RTN4: variants seen among roughly 807,000 people sequenced by gnomAD.
RTN4 encodes reticulon 4, also known as reticulon-4.
Under a neutral mutation model 90.4 loss-of-function variants are expected in RTN4, and 32 were observed. That is an observed-to-expected ratio of 0.35 (90% CI 0.27 to 0.48). The LOEUF (loss-of-function observed/expected upper bound fraction) is 0.48, where lower values mean the gene tolerates loss of function less well. Among genes scored for constraint, RTN4 ranks in the 20% least tolerant of loss-of-function variants. The pLI, the probability that RTN4 is intolerant of heterozygous loss-of-function variation, is 0.99. For synonymous variants in RTN4, 629 were observed against 552.5 expected, an observed-to-expected ratio of 1.14 and a Z score of -1.94; for missense variants, 1,706 against 1,430.2, an observed-to-expected ratio of 1.19 and a Z score of -3.11.
Position 55,025,564 on chromosome 2 carries a change from T to G in RTN4, c.2535A>C (p.Leu845Phe). The G allele has an allele frequency of 1.2e-6, 2 of 1,613,710 alleles. No individual in the cohort carries two copies. The highest frequency in any genetic ancestry group is 1.7e-6 in the Non-Finnish European group (2 of 1,179,836). The change falls in exon 3 of 9, where the codon TTA becomes TTC. Residue 845 changes from leucine to phenylalanine, a missense_variant. Leu to Phe is a conservative substitution (Grantham distance 22). Transcript: ENST00000337526. ...TTATCTGTGCTTCCTTAGAAATAAATAAGTCATCATTTGAATAAACTGCAG... is the reference window on the plus strand; with the variant it reads ...TTATCTGTGCTTCCTTAGAAATAAAGAAGTCATCATTTGAATAAACTGCAG... ...LSTAVYSNDDLFISKEAQIRE... is the reference protein window; with the variant it reads ...LSTAVYSNDDFFISKEAQIRE...
the RTN4 span, among the ~76,000 whole-genome samples, chr2:55,119,012 C>CG: frequency 2.6e-5 from 4 of 152,114 alleles, no homozygotes; most frequent in South Asian, 4.1e-4. Context: ...AGAGAGATAT[C>CG]GGGGGAAGAA....
upstream of RTN4, among the ~76,000 whole-genome samples, chr2:55,051,622 G>A (rs1427559698): frequency 6.6e-6 from 1 of 152,162 alleles, no homozygotes; most frequent in Non-Finnish European, 1.5e-5. Context: ...CTTTCAAGTT[G>A]CTCAAAGTCT....
At chr2:55,107,209 T>A (rs1667958588) in intron 1 of RTN4, among the ~76,000 whole-genome samples, 1 of 151,966 alleles carries the variant, frequency 6.6e-6, no homozygotes, top group African/African-American at 2.4e-5. Flanking sequence ...TGTATTTTTT[T>A]TTTTCAGTGA....
chr2:55,050,966 T>C (rs1445689496), upstream of RTN4: 1 of 152,196 alleles, frequency 6.6e-6, no homozygotes, highest in African/African-American at 2.4e-5. The surrounding 1 kb of genome is among the most constrained non-coding windows in gnomAD (Gnocchi z 4.6). Context: ...GAAACCCGAC[T>C]GGAGAAAGGT....
intron 2 of RTN4, among the ~76,000 whole-genome samples, chr2:55,066,197 G>GTGTGTGTGTGTT (rs1668390579): frequency 1.5e-5 from 1 of 64,540 alleles, no homozygotes; most frequent in Non-Finnish European, 3.7e-5. Context: ...GTGTGTTTGT[G>GTGTGTGTGTGTT]TGTGTGTGTG....
intron 3 of RTN4, among the ~76,000 whole-genome samples, chr2:54,991,060 G>T (rs1262852104): frequency 6.6e-6 from 1 of 152,108 alleles, no homozygotes; most frequent in Non-Finnish European, 1.5e-5. Context: ...GGGATTACAG[G>T]CGTGGGCTAC....
intron 1 of RTN4, among the ~76,000 whole-genome samples, chr2:55,047,973 T>G (rs920861954): frequency 6.6e-6 from 1 of 152,190 alleles, no homozygotes; most frequent in Non-Finnish European, 1.5e-5. Flanking sequence ...GTTAGGCAAT[T>G]CTGTCGTTGT....
At chr2:55,033,508 C>T (rs185662756) in intron 1 of RTN4, among the ~76,000 whole-genome samples, 47 of 152,276 alleles carry the variant, frequency 3.1e-4, no homozygotes, top group Non-Finnish European at 6.5e-4. Context: ...TGAGATGGAA[C>T]AAGGTAACCC....
At chr2:55,040,729 T>C (rs990566131) in intron 1 of RTN4, among the ~76,000 whole-genome samples, 3 of 152,052 alleles carry the variant, frequency 2.0e-5, no homozygotes, top group Non-Finnish European at 4.4e-5. Context: ...CTGCTACCTA[T>C]ACCTCTCATA....
intron 3 of RTN4, among the ~76,000 whole-genome samples, chr2:54,991,892 G>T (rs1205314274): frequency 6.6e-6 from 1 of 152,160 alleles, no homozygotes; most frequent in African/African-American, 2.4e-5. Context: ...TATGGCAACT[G>T]TATGAGAGAA....
intron 1 of RTN4, among the ~76,000 whole-genome samples, chr2:55,038,952 T>C (rs1457807282): frequency 6.6e-6 from 1 of 152,232 alleles, no homozygotes; most frequent in Non-Finnish European, 1.5e-5. Context: ...GCAGCATCAT[T>C]AGTAAGTCTT....
intron 3 of RTN4, among the ~76,000 whole-genome samples, chr2:54,997,465 TAC>T (rs781641961): frequency 1.2e-4 from 19 of 152,302 alleles, no homozygotes; most frequent in Non-Finnish European, 2.5e-4. Flanking sequence ...GAAAATTAAA[TAC>T]AGAGTTATCT....
chr2:55,010,351 T>C (rs1680544318), intron 3 of RTN4: 1 of 1,343,724 alleles, frequency 7.4e-7, no homozygotes, highest in Admixed American at 3.1e-5. Context: ...ACTCCAGCAT[T>C]AATGCTTTCC....
chr2:55,043,475 G>C (rs916708448), intron 1 of RTN4, among the ~76,000 whole-genome samples: 3 of 152,100 alleles, frequency 2.0e-5, no homozygotes, highest in African/African-American at 7.2e-5. Flanking sequence ...ATAAATGGCG[G>C]GGCACAGTGG....
chr2:55,087,945 T>A (rs1573509612), intron 1 of RTN4, among the ~76,000 whole-genome samples: 1 of 152,242 alleles, frequency 6.6e-6, no homozygotes, highest in South Asian at 2.1e-4. Context: ...CATACACTTA[T>A]ATTTGCAAAG....
At chr2:55,123,648 T>TTATTA in the RTN4 span, among the ~76,000 whole-genome samples, 54 of 151,960 alleles carry the variant, frequency 3.6e-4, no homozygotes, top group Middle Eastern at 3.4e-3. Flanking sequence ...TAATTATCAC[T>TTATTA]TATTATATTA....
chr2:55,000,521 A>C (rs1015570115), intron 3 of RTN4, among the ~76,000 whole-genome samples: 1 of 152,296 alleles, frequency 6.6e-6, no homozygotes, highest in African/African-American at 2.4e-5. Context: ...CCCTTTCTAC[A>C]ATAATTTTGT....
At chr2:55,055,698 A>G (rs1028723536), upstream of RTN4, among the ~76,000 whole-genome samples, 6 of 151,378 alleles carry the variant, frequency 4.0e-5, no homozygotes, top group South Asian at 1.3e-3. Context: ...TGAACCTGGG[A>G]GGCAGCGCTT....
rs775557527 is a variant in RTN4, at chr2:55,028,270, A to C, written c.557-50T>G. 3.3e-6 allele frequency: 5 copies of C among 1,533,514 alleles called. No homozygotes were observed. The Admixed American group carries it at 9.0e-5, about 28-fold the overall frequency. 95.0% of individuals were successfully genotyped at this position (1,533,514 alleles called of 1,614,324 possible). ...TCAGCAGAAATAAAGACAGATTGAA[A>C]GGAGACTAAAGATAAGAGGAGCAAG... On this transcript the variant is annotated intron_variant, in intron 1 of 8. Transcript: ENST00000337526.
Sources: gnomAD v4.1 joint callset for allele counts (sites outside exome capture counted in the v4.1 genomes callset) on GRCh38, gnomAD v4.1.1 for gene constraint, Gnocchi (gnomAD v3.1) non-coding constraint, MANE v1.5 for transcripts, NCBI Gene and HGNC (gene_info 2026-07-23, HGNC 2026-07-21) for gene names.